Variants in HAMP observed in about 807,000 individuals in gnomAD.
HAMP encodes the protein hepcidin antimicrobial peptide, also known as hepcidin.
Under a neutral mutation model 7.8 loss-of-function variants are expected in HAMP, and 5 were observed. That is an observed-to-expected ratio of 0.64 (90% CI 0.33 to 1.34). The LOEUF is 1.34. HAMP is among the 40% of genes most tolerant of loss of function. The pLI is 0.05. For synonymous variants in HAMP, 52 were observed against 38.6 expected, an observed-to-expected ratio of 1.35 and a Z score of -1.28; for missense variants, 105 against 104.1, an observed-to-expected ratio of 1.01 and a Z score of -0.04.
At chr19:35,284,550 G>A (rs1178938672) in intron 1 of HAMP, 12 of 591,338 alleles carry the variant, frequency 2.0e-5, no homozygotes, top group Non-Finnish European at 3.6e-5. Flanking sequence ...GCAGGGGAAG[G>A]TGATATCCCA....
At chr19:35,284,466 C>A (rs1178843684) in intron 1 of HAMP, 1 of 478,314 alleles carries the variant, frequency 2.1e-6, no homozygotes, top group African/African-American at 1.9e-5. Context: ...AAAAAAGTGA[C>A]TCTGCTGTGT....
rs1048404218 is a variant in HAMP at position 35,284,967 on chromosome 19, C to T, written c.180C>T (p.Asp60=). 1.2e-6 allele frequency: 2 copies of T among 1,613,956 alleles called. No homozygotes were observed. Among genetic ancestry groups the T allele is most frequent in the Non-Finnish European group, 1.7e-6 (2 of 1,179,842 alleles). The change falls in exon 3 of 3, where the codon GAC becomes GAT. Residue 60 remains aspartate, a synonymous_variant. Coordinates refer to ENST00000222304, the MANE Select transcript of HAMP (RefSeq NM_021175.4). ...TGTTCCAGAGGCGAAGGAGGCGAGA[C>T]ACCCACTTCCCCATCTGCATTTTCT... ...MPMFQRRRRR[D]THFPICIFCC...
intron 1 of HAMP, 164 bp from the exon 2 acceptor site, chr19:35,284,625 G>T: frequency 1.6e-6 from 1 of 614,078 alleles, no homozygotes; most frequent in Non-Finnish European, 2.9e-6. Context: ...TTTAGGAAAA[G>T]CCGCCCATGG....
At chr19:35,283,484 C>T (rs2066312689) in intron 1 of HAMP, 1 of 152,286 alleles carries the variant, frequency 6.6e-6, no homozygotes, top group South Asian at 2.1e-4. Context: ...AGCAATCCTC[C>T]CACCTCAGCG....
Position 35,285,045 on chromosome 19 carries a change from C to G in HAMP, c.*3C>G, listed in dbSNP as rs371421756. 1.9e-6 allele frequency: 3 copies of G among 1,578,792 alleles called. No homozygotes were observed. Among genetic ancestry groups the G allele is most frequent in the Non-Finnish European group, 2.6e-6 (3 of 1,147,614 alleles). On this transcript the variant is annotated 3_prime_UTR_variant, in exon 3 of 3. Transcript: ENST00000222304. ...GTGGGATGTGCTGCAAGACGTAGAACCTACCTGCCCTGCCCCCGTCCCCTC... is the reference window on the plus strand; with the variant it reads ...GTGGGATGTGCTGCAAGACGTAGAAGCTACCTGCCCTGCCCCCGTCCCCTC...
At chr19:35,284,037 CT>C in intron 1 of HAMP, 3 of 152,222 alleles carry the variant, frequency 2.0e-5, no homozygotes, top group Admixed American at 6.5e-5. Context: ...TCAGGTGATT[CT>C]CCCACCTCGG....
intron 1 of HAMP, chr19:35,284,385 C>T: frequency 3.8e-6 from 1 of 261,590 alleles, no homozygotes; most frequent in South Asian, 5.0e-5. Context: ...GTCAAGGCTG[C>T]AGGGAGCTAT....
At chr19:35,284,687 C>T (rs991363771) in intron 1 of HAMP, 102 bp from the exon 2 acceptor site, 19 of 865,552 alleles carry the variant, frequency 2.2e-5, no homozygotes, top group Non-Finnish European at 3.4e-5. Flanking sequence ...TCCATTTGAG[C>T]TCTGGGTTTA....
chr19:35,284,870 T>C, intron 2 of HAMP, 22 bp downstream of exon 2: 1 of 1,610,844 alleles, frequency 6.2e-7, no homozygotes, highest in South Asian at 1.1e-5. Context: ...AGTGATGCCT[T>C]TCCTAGCCCC....
chr19:35,284,338 G>GGT, intron 1 of HAMP: 7 of 197,244 alleles, frequency 3.5e-5, no homozygotes, highest in Admixed American at 2.6e-4. Context: ...CCAGCTACTC[G>GGT]GGAAGCTGAG....
intron 1 of HAMP, chr19:35,283,405 C>T (rs182353585): frequency 6.5e-6 from 1 of 152,858 alleles, no homozygotes; most frequent in East Asian, 1.9e-4. Context: ...ACAGGGTCTT[C>T]CTCTGTTGCT....
intron 1 of HAMP, chr19:35,284,320 C>G (rs2066316364): frequency 5.1e-6 from 1 of 194,532 alleles, no homozygotes; most frequent in African/African-American, 2.4e-5. Context: ...TGGCGTGCAC[C>G]TGCTGTCCCA....
chr19:35,282,752 G>A, intron 1 of HAMP, 85 bp downstream of exon 1: 1 of 1,047,278 alleles, frequency 9.5e-7, no homozygotes, highest in Non-Finnish European at 1.5e-6. Flanking sequence ...AGACACCCGA[G>A]CACTGAGCAG....
At chr19:35,284,360 G>C (rs576477642) in intron 1 of HAMP, 5 of 208,740 alleles carry the variant, frequency 2.4e-5, no homozygotes, top group Non-Finnish European at 4.9e-5. Flanking sequence ...CGGGAGCATC[G>C]CTTGAGCACA....
chr19:35,282,756 T>A, intron 1 of HAMP, 89 bp downstream of exon 1: 1 of 1,017,522 alleles, frequency 9.8e-7, no homozygotes, highest in Non-Finnish European at 1.6e-6. Context: ...ACCCGAGCAC[T>A]GAGCAGAGCT....
At position 35,284,771 on chromosome 19, in the gene HAMP, C is replaced by A; in HGVS notation, c.91-18C>A. ...CTGGGCCCCCTGCCATCCTCTGCAC[C>A]CCCTTCTGCTTTCACAGACGGGACA... is the stretch of plus-strand genomic sequence containing the variant. On this transcript the variant is annotated intron_variant, in intron 1 of 2. Coordinates refer to ENST00000222304, the MANE Select transcript of HAMP (RefSeq NM_021175.4). 1 of 1,608,068 alleles carries A rather than the reference C, an allele frequency of 6.2e-7. No individual in the cohort carries two copies.
Position 35,282,636 on chromosome 19 carries a change from G to T in HAMP, c.59G>T (p.Ser20Ile). The change falls in exon 1 of 3, where the codon AGC (serine) becomes ATC (isoleucine). Residue 20 changes from serine (S) to isoleucine (I), a missense_variant. Ser to Ile is a moderately radical substitution (Grantham distance 142, BLOSUM62 -2). Transcript: ENST00000222304. ...CTCCTGCTCCTCCTCCTCCTCGCCAGCCTGACCAGTGGCTCTGTTTTCCCA... is the reference window on the plus strand; with the variant it reads ...CTCCTGCTCCTCCTCCTCCTCGCCATCCTGACCAGTGGCTCTGTTTTCCCA... ...ACLLLLLLLASLTSGSVFPQQ... is the reference protein window; with the variant it reads ...ACLLLLLLLAILTSGSVFPQQ... 6.2e-7 allele frequency: 1 copy of T among 1,614,140 alleles called. No homozygotes were observed. The highest frequency in any genetic ancestry group is 1.1e-5 in the South Asian group (1 of 91,088).
At chr19:35,284,181 A>G (rs1243386155) in intron 1 of HAMP, 1 of 156,452 alleles carries the variant, frequency 6.4e-6, no homozygotes, top group Admixed American at 6.1e-5. Flanking sequence ...ACCATGGCTC[A>G]CACCTGTAAT....
In HAMP at chr19:35,282,575, A is replaced by T; in HGVS notation, c.-3A>T. On this transcript the variant is annotated 5_prime_UTR_variant, in exon 1 of 3. Transcript: ENST00000222304. ...GCAGTGGGACAGCCAGACAGACGGC[A>T]CGATGGCACTGAGCTCCCAGATCTG... The T allele has an allele frequency of 1.9e-6, 3 of 1,613,258 alleles. No homozygotes were observed. The highest frequency in any genetic ancestry group is 2.5e-6 in the Non-Finnish European group (3 of 1,179,158).
Sources: gnomAD v4.1 joint callset for allele counts on GRCh38, gnomAD v4.1.1 for gene constraint, MANE v1.5 for transcripts, NCBI Gene and HGNC (gene_info 2026-07-23, HGNC 2026-07-21) for gene names.